Variants in DOCK9 observed in about 807,000 individuals in gnomAD.
The protein encoded by DOCK9 is dedicator of cytokinesis 9.
Under a neutral mutation model 263.3 loss-of-function variants are expected in DOCK9, and 89 were observed. That is an observed-to-expected ratio of 0.34 (90% CI 0.28 to 0.40). The LOEUF is 0.40. Ranked by LOEUF, DOCK9 falls within the 10% of genes least tolerant of loss-of-function variation. The pLI, the probability that DOCK9 is intolerant of heterozygous loss-of-function variation, is 1.00. For missense variants in DOCK9, 2,140 were observed against 2,603.4 expected (o/e 0.82, Z 3.87); for synonymous variants, 976 against 973.1 (o/e 1.00, Z -0.06).
rs769426324 is a variant in DOCK9, at chr13:99,032,569, G to C, written c.129+53654C>G. Among the ~76,000 whole-genome samples, 7 of 151,680 alleles carry C rather than the reference G, an allele frequency of 4.6e-5. No individual in the cohort carries two copies. In the East Asian group the frequency reaches 1.4e-3, roughly 29 times the overall value. The stretch of plus-strand genomic sequence containing the variant: ...TTTGGGAAAGATAAGGCTGAGGCTA[G>C]GTCCTCTTCCTCAACTGAAAGGGGA... On this transcript the variant is annotated intron_variant, in intron 1 of 32. Coordinates refer to the DOCK9 transcript ENST00000427887.
intron 1 of DOCK9, among the ~76,000 whole-genome samples, chr13:98,960,322 A>G (rs1462381880): frequency 6.6e-6 from 1 of 152,202 alleles, no homozygotes; most frequent in Non-Finnish European, 1.5e-5. Context: ...TGAATATTTC[A>G]GGATACTATT....
chr13:98,797,462 G>A lies in DOCK9; in HGVS notation c.5944C>T (p.Arg1982Ter). Residue 1982 changes from arginine to a stop codon, truncating the protein, a stop_gained, in exon 51 of 53, where the codon CGA becomes TGA. Transcript: ENST00000682017. LOFTEE classifies it high-confidence loss of function. ...GTGTTTGTATCATCTAAGAAAGCTC[G>A]CGCATATGCTAGTGGGCCAGCATTG... is the stretch of plus-strand genomic sequence containing the variant. The part of the protein sequence containing the change: ...QVNAGPLAYA[R>*]AFLDDTNTKR... 3 of 1,612,638 alleles carry A rather than the reference G, an allele frequency of 1.9e-6. No homozygotes were observed. The highest frequency in any genetic ancestry group is 2.5e-6 in the Non-Finnish European group (3 of 1,179,318).
At chr13:98,880,389 A>G (rs149319943) in intron 26 of DOCK9, among the ~76,000 whole-genome samples, 158 bp downstream of exon 26, 1 of 152,164 alleles carries the variant, frequency 6.6e-6, no homozygotes, top group Non-Finnish European at 1.5e-5. Context: ...CTCTTCTCTC[A>G]AGACACAATT....
intron 7 of DOCK9, among the ~76,000 whole-genome samples, chr13:98,920,230 A>C (rs2051703916): frequency 6.6e-6 from 1 of 152,250 alleles, no homozygotes; most frequent in Admixed American, 6.5e-5. Flanking sequence ...AGAAAAATAC[A>C]TTCATGTGTT....
At chr13:99,064,380 A>T (rs1383241915) in intron 1 of DOCK9, among the ~76,000 whole-genome samples, 1 of 152,250 alleles carries the variant, frequency 6.6e-6, no homozygotes, top group African/African-American at 2.4e-5. Context: ...TTCAAAGAGA[A>T]GAGAGAGATC....
intron 1 of DOCK9, among the ~76,000 whole-genome samples, chr13:99,008,935 G>GGGACACAAT (rs1304042862): frequency 6.6e-6 from 1 of 152,174 alleles, no homozygotes; most frequent in African/African-American, 2.4e-5. Context: ...AGGGAGGTAG[G>GGGACACAAT]GGACACAATT....
intron 1 of DOCK9, among the ~76,000 whole-genome samples, chr13:98,964,139 G>C (rs1251592556): frequency 1.3e-5 from 2 of 152,214 alleles, no homozygotes; most frequent in Non-Finnish European, 2.9e-5. Flanking sequence ...GGAGCTGGCA[G>C]TCAGAGGGAA....
intron 27 of DOCK9, 134 bp from the exon 28 acceptor site, chr13:98,868,511 C>G: frequency 9.4e-7 from 1 of 1,064,524 alleles, no homozygotes; most frequent in South Asian, 1.7e-5. Flanking sequence ...CACTTGTAAC[C>G]CCAGCACTTT....
upstream of DOCK9, among the ~76,000 whole-genome samples, chr13:98,980,260 T>C (rs1876858908): frequency 6.6e-6 from 1 of 152,270 alleles, no homozygotes; most frequent in African/African-American, 2.4e-5. Flanking sequence ...GATATTTATT[T>C]GACAAACACT....
At chr13:98,979,391 C>T (rs755521643), upstream of DOCK9, among the ~76,000 whole-genome samples, 8 of 152,074 alleles carry the variant, frequency 5.3e-5, no homozygotes, top group African/African-American at 7.2e-5. Context: ...GACAAAGGAA[C>T]GCAGCCAGGA....
intron 2 of DOCK9, 41 bp from the exon 3 acceptor site, chr13:98,930,298 G>C (rs1327298088): frequency 6.5e-7 from 1 of 1,545,630 alleles, no homozygotes; most frequent in South Asian, 1.2e-5. Flanking sequence ...GGTAAGTGAA[G>C]GAGGCAGGTG....
Position 98,902,299 on chromosome 13 carries a change from A to G in DOCK9, c.1369T>C (p.Tyr457His), listed in dbSNP as rs2048406736. ...KGILHEAAMQYPKQGIFSVTC... is the reference protein window; with the variant it reads ...KGILHEAAMQHPKQGIFSVTC... ...CTCATACTCCCCACCTGCTTCGGAT[A>G]CTGCATGGCGGCTTCATGAAGGATG... Residue 457 changes from tyrosine to histidine, a missense_variant, in exon 12 of 53, where the codon TAT (tyrosine) becomes CAT (histidine). This residue lies in a region of DOCK9 where 1,521 missense variants were observed against 1,741.7 expected (regional missense o/e 0.87). Coordinates refer to ENST00000682017, the MANE Select transcript of DOCK9 (RefSeq NM_001366683.2). 1.2e-6 allele frequency: 2 copies of G among 1,613,640 alleles called. No individual in the cohort carries two copies. The highest frequency in any genetic ancestry group is 3.3e-5 in the Admixed American group (2 of 60,008).
At chr13:98,880,191 C>G (rs1016143829) in intron 26 of DOCK9, among the ~76,000 whole-genome samples, 3 of 152,060 alleles carry the variant, frequency 2.0e-5, no homozygotes, top group African/African-American at 7.2e-5. Flanking sequence ...AAACTGGACA[C>G]CTGTGCTCAG....
chr13:98,992,520 T>A (rs1880045994), intron 1 of DOCK9, among the ~76,000 whole-genome samples: 1 of 152,094 alleles, frequency 6.6e-6, no homozygotes, highest in Non-Finnish European at 1.5e-5. Flanking sequence ...TCCTCACGTG[T>A]CATGGGAGAG....
intron 45 of DOCK9, among the ~76,000 whole-genome samples, chr13:98,823,522 T>C (rs2092389215): frequency 6.6e-6 from 1 of 152,228 alleles, no homozygotes; most frequent in Non-Finnish European, 1.5e-5. Context: ...ACTCCTTTCT[T>C]GGCTTGCTCT....
chr13:99,027,230 G>GA (rs1566321237), intron 1 of DOCK9, among the ~76,000 whole-genome samples: 3 of 152,026 alleles, frequency 2.0e-5, no homozygotes, highest in African/African-American at 7.3e-5. Context: ...ATATTGGCCA[G>GA]GCTGGTATCG....
Position 98,898,200 on chromosome 13 carries a change from A to G in DOCK9, c.1565T>C (p.Met522Thr), listed in dbSNP as rs1310275893. The change falls in exon 14 of 53, where the codon ATG (methionine) becomes ACG (threonine). Residue 522 changes from methionine (M) to threonine (T), a missense_variant. Coordinates refer to ENST00000682017, the MANE Select transcript of DOCK9 (RefSeq NM_001366683.2). Reference sequence around the variant, plus strand: ...TTACCTTGCTGCCCAAGCAAATGGCATTCTATACTGTCCTAGTCTTTGGCA... The same window carrying G: ...TTACCTTGCTGCCCAAGCAAATGGCGTTCTATACTGTCCTAGTCTTTGGCA... ...QACQRLGQYRMPFAWAARTLF... is the reference protein window; with the variant it reads ...QACQRLGQYRTPFAWAARTLF... The G allele has an allele frequency of 3.7e-6, 6 of 1,611,902 alleles. No homozygotes were observed. The highest frequency in any genetic ancestry group is 5.1e-6 in the Non-Finnish European group (6 of 1,179,004).
intron 9 of DOCK9, 61 bp from the exon 10 acceptor site, chr13:98,904,767 A>G (rs1234328065): frequency 2.1e-6 from 3 of 1,432,022 alleles, no homozygotes; most frequent in African/African-American, 2.8e-5. Flanking sequence ...AAGGTGCCCA[A>G]ATACATTTAA....
At chr13:99,009,003 T>C (rs1883993758) in intron 1 of DOCK9, among the ~76,000 whole-genome samples, 1 of 152,354 alleles carries the variant, frequency 6.6e-6, no homozygotes, top group East Asian at 1.9e-4. Context: ...GTGAATGATA[T>C]CTGGAAAGGT....
Sources: gnomAD v4.1 joint callset for allele counts (sites outside exome capture counted in the v4.1 genomes callset) on GRCh38, gnomAD v4.1.1 for gene constraint, gnomAD v4.1.1 regional missense constraint, MANE v1.5 for transcripts, NCBI Gene and HGNC (gene_info 2026-07-23, HGNC 2026-07-21) for gene names.